A2ML1: variants seen among roughly 807,000 people sequenced by gnomAD.
The protein encoded by A2ML1 is alpha-2-macroglobulin like 1, also known as alpha-2-macroglobulin-like protein 1.
A neutral mutation model predicts 181.9 loss-of-function variants in A2ML1; 161 were observed. The ratio of observed to expected loss-of-function variants is 0.89; its 90% confidence interval spans 0.78 to 1.01. A2ML1 has a LOEUF of 1.01. Ranked by LOEUF, A2ML1 falls within the 50% of genes least tolerant of loss-of-function variation. The probability of loss-of-function intolerance (pLI) is 0.00; values close to 1 mark genes in which losing one functional copy is unlikely to be tolerated. For synonymous variants in A2ML1, 663 were observed against 666.8 expected (o/e 0.99, Z 0.09); for missense variants, 1,670 against 1,768.1 (o/e 0.94, Z 1.00).
At chr12:8,884,064 G>C (rs1944895141) in intron 7 of A2ML1, among the ~76,000 whole-genome samples, 1 of 152,104 alleles carries the variant, frequency 6.6e-6, no homozygotes, top group Non-Finnish European at 1.5e-5. Context: ...GGGATTACAG[G>C]CGTGACCCAC....
At chr12:8,880,375 A>G (rs1258820307), downstream of A2ML1, 1 of 151,904 alleles carries the variant, frequency 6.6e-6, no homozygotes, top group Admixed American at 6.6e-5. Context: ...TAAAAAAAAG[A>G]GGTGGGGAGA....
intron 7 of A2ML1, 142 bp downstream of exon 7, chr12:8,836,481 C>CTTTTT (rs751110394): frequency 1.0e-5 from 4 of 390,352 alleles, no homozygotes; most frequent in African/African-American, 5.2e-5. Flanking sequence ...TATCCAAGAC[C>CTTTTT]TTTTTTTTTT....
rs1464819458 is a variant in A2ML1 at position 8,874,448 on chromosome 12, C to A, written c.4245C>A (p.Tyr1415Ter). The change falls in exon 34 of 36, where the codon TAC becomes TAA. Residue 1415 changes from tyrosine (Y) to a stop codon, truncating the protein, a stop_gained. Coordinates refer to ENST00000299698, the MANE Select transcript of A2ML1 (RefSeq NM_144670.6). LOFTEE classifies it high-confidence loss of function. ...AGCTCATTAAGAACACTCAGACTTA[C>A]ACCTTCACCATCAGCCAAAGTGTGC... is the stretch of plus-strand genomic sequence containing the variant. ...LDELIKNTQT[Y>*]TFTISQSVLV... 8 of 1,613,916 alleles carry A rather than the reference C, an allele frequency of 5.0e-6. No homozygotes were observed. The highest frequency in any genetic ancestry group is 6.8e-6 in the Non-Finnish European group (8 of 1,179,938).
At position 8,849,048 on chromosome 12, in the gene A2ML1, C is replaced by T. The variant is rs757541057; in HGVS notation, c.2028+134C>T. On this transcript the variant is annotated intron_variant, in intron 16 of 35. Coordinates refer to ENST00000299698, the MANE Select transcript of A2ML1 (RefSeq NM_144670.6). ...ACAAAATCTTGAAAGAAGCTTCTGA[C>T]GTGTAAGGTCGCCTCTGTTGGCCCT... 6.5e-5 allele frequency: 61 copies of T among 944,136 alleles called. No homozygotes were observed. The East Asian group carries it at 1.3e-3, about 20-fold the overall frequency. 58.5% of individuals were successfully genotyped at this position (944,136 alleles called of 1,614,324 possible). A position where few individuals can be genotyped will look rare whatever the true frequency, so the allele number is the denominator to read the frequency against.
chr12:8,839,245 A>G (rs992600511), intron 10 of A2ML1, 23 bp downstream of exon 10: 3 of 1,570,676 alleles, frequency 1.9e-6, no homozygotes, highest in Non-Finnish European at 2.6e-6. Context: ...TTTTCTCTGC[A>G]TAGACAAAAA....
chr12:8,857,078 C>A, intron 23 of A2ML1, 86 bp from the exon 24 acceptor site: 1 of 1,301,510 alleles, frequency 7.7e-7, no homozygotes, highest in Non-Finnish European at 1.1e-6. Flanking sequence ...ATAGCTAATA[C>A]GTGTTTGTTC....
intron 13 of A2ML1, 92 bp downstream of exon 13, chr12:8,845,594 T>C (rs1943643207): frequency 1.5e-6 from 2 of 1,333,290 alleles, no homozygotes; most frequent in Non-Finnish European, 2.1e-6. Context: ...ATGCCTGTAA[T>C]CCCAGCACTT....
At chr12:8,834,323 T>C (rs1337657803) in intron 4 of A2ML1, among the ~76,000 whole-genome samples, 1 of 152,184 alleles carries the variant, frequency 6.6e-6, no homozygotes. Context: ...AACCCCCTGG[T>C]GCTAATACTT....
At chr12:8,849,401 G>C (rs1592133600) in intron 16 of A2ML1, among the ~76,000 whole-genome samples, 1 of 152,162 alleles carries the variant, frequency 6.6e-6, no homozygotes, top group Non-Finnish European at 1.5e-5. Flanking sequence ...TACAGCGTAA[G>C]TCAAATAGTA....
intron 28 of A2ML1, 35 bp downstream of exon 28, chr12:8,861,332 T>C: frequency 2.5e-6 from 4 of 1,609,906 alleles, no homozygotes; most frequent in Non-Finnish European, 3.4e-6. Flanking sequence ...TTTGAAATTG[T>C]GAACATAAGC....
At chr12:8,844,310 C>G (rs1943593725) in intron 12 of A2ML1, among the ~76,000 whole-genome samples, 2 of 148,982 alleles carry the variant, frequency 1.3e-5, no homozygotes, top group South Asian at 4.3e-4. Context: ...CCATGTTGGC[C>G]AGGCTGGTCT....
intron 9 of A2ML1, 146 bp from the exon 10 acceptor site, chr12:8,838,967 T>C (rs1943378374): frequency 1.9e-6 from 1 of 521,806 alleles, no homozygotes; most frequent in Non-Finnish European, 3.4e-6. Flanking sequence ...TCCAAAAGAT[T>C]GGGGAGGTGA....
In A2ML1 at chr12:8,854,170, A is replaced by G. The variant is rs758920650; in HGVS notation, c.2633A>G (p.Asn878Ser). 1.9e-6 allele frequency: 3 copies of G among 1,608,196 alleles called. No individual in the cohort carries two copies. The highest frequency in any genetic ancestry group is 1.3e-5 in the African/African-American group (1 of 74,934). The change falls in exon 21 of 36, where the codon AAT (asparagine) becomes AGT (serine). Residue 878 changes from asparagine (N) to serine (S), a missense_variant. Asn to Ser is a conservative substitution (Grantham distance 46, BLOSUM62 1). Transcript: ENST00000299698. Reference protein sequence around the residue: ...FTISTKILDSNEPCGGQKGFV... With the variant: ...FTISTKILDSSEPCGGQKGFV... ...ATTAGTACAAAGATTCTGGACAGCA[A>G]TGAACCATGTGGGGGCCAGAAGGGG...
chr12:8,863,126 G>A (rs11047675), intron 28 of A2ML1, among the ~76,000 whole-genome samples: 1,802 of 150,096 alleles, frequency 0.012, 15 homozygotes, highest in Admixed American at 0.018. Context: ...TTTGAGACTG[G>A]GTTTCGCTCT....
intron 15 of A2ML1, among the ~76,000 whole-genome samples, chr12:8,847,909 G>GC (rs1340555250): frequency 1.7e-4 from 26 of 152,106 alleles, no homozygotes; most frequent in African/African-American, 6.0e-4. Context: ...TGAGGCCGAG[G>GC]CTGGCAGATC....
At chr12:8,882,878 C>T (rs1183592681) in intron 7 of A2ML1, among the ~76,000 whole-genome samples, 1 of 152,296 alleles carries the variant, frequency 6.6e-6, no homozygotes, top group East Asian at 1.9e-4. Context: ...GGGTAAAGTT[C>T]TATTCCTGTT....
chr12:8,825,993 T>A (rs1942917716), intron 3 of A2ML1, among the ~76,000 whole-genome samples: 1 of 152,232 alleles, frequency 6.6e-6, no homozygotes, highest in Non-Finnish European at 1.5e-5. Flanking sequence ...TTACTATAGC[T>A]TTGCAGTATA....
At chr12:8,873,421 C>T (rs1944695875) in intron 33 of A2ML1, among the ~76,000 whole-genome samples, 1 of 152,000 alleles carries the variant, frequency 6.6e-6, no homozygotes, top group South Asian at 2.1e-4. Context: ...GCCTTAGATT[C>T]TCCATTTGCT....
chr12:8,842,270 T>C (rs977027504), intron 11 of A2ML1, among the ~76,000 whole-genome samples: 1 of 151,156 alleles, frequency 6.6e-6, no homozygotes, highest in Non-Finnish European at 1.5e-5. Context: ...CAGGCTGGAG[T>C]GCAGTGGCGT....
Sources: allele counts gnomAD v4.1 joint callset (sites outside exome capture counted in the v4.1 genomes callset), GRCh38; gene constraint gnomAD v4.1.1; transcripts MANE v1.5; gene names NCBI Gene and HGNC (gene_info 2026-07-23, HGNC 2026-07-21).